Variants in SH3PXD2A observed in about 807,000 individuals in gnomAD.
SH3PXD2A encodes SH3 and PX domain-containing protein 2A.
SH3PXD2A carries 32 observed loss-of-function variants against 115.2 expected under a neutral mutation model. The ratio of observed to expected loss-of-function variants is 0.28; its 90% confidence interval spans 0.21 to 0.37. The LOEUF (loss-of-function observed/expected upper bound fraction) is 0.37. Ranked by LOEUF, SH3PXD2A falls within the 10% of genes least tolerant of loss-of-function variation. SH3PXD2A has a pLI of 1.00. For synonymous variants in SH3PXD2A, 610 were observed against 629.1 expected (o/e 0.97, Z 0.45); for missense variants, 1,328 against 1,498.7 (o/e 0.89, Z 1.88).
chr10:103,636,636 TAAG>T (rs906548946), intron 8 of SH3PXD2A, among the ~76,000 whole-genome samples: 2 of 151,992 alleles, frequency 1.3e-5, no homozygotes, highest in African/African-American at 4.8e-5. Context: ...ATGGCCTCCT[TAAG>T]GAGGGAGAAT....
At chr10:103,648,705 G>A (rs1359650144) in intron 8 of SH3PXD2A, among the ~76,000 whole-genome samples, 2 of 152,156 alleles carry the variant, frequency 1.3e-5, no homozygotes, top group Non-Finnish European at 1.5e-5. Context: ...TTCTGTTCCC[G>A]GCACTATCCT....
intron 2 of SH3PXD2A, 26 bp from the exon 3 acceptor site, chr10:103,767,195 C>A: frequency 6.3e-7 from 1 of 1,585,052 alleles, no homozygotes; most frequent in Non-Finnish European, 8.7e-7. Context: ...GACAGAGGGA[C>A]AGGATTCAGA....
chr10:103,804,623 G>C (rs1386916591), intron 1 of SH3PXD2A, among the ~76,000 whole-genome samples: 4 of 151,948 alleles, frequency 2.6e-5, no homozygotes, highest in African/African-American at 9.7e-5. Flanking sequence ...CATCTGACCG[G>C]TTGACACCAT....
chr10:103,744,109 G>A (rs2038473686), intron 3 of SH3PXD2A, among the ~76,000 whole-genome samples: 1 of 151,326 alleles, frequency 6.6e-6, no homozygotes, highest in Non-Finnish European at 1.5e-5. Context: ...GGTTAGCCCT[G>A]CCTAGGCTAG....
intron 5 of SH3PXD2A, among the ~76,000 whole-genome samples, chr10:103,696,490 A>AC (rs1254789875): frequency 2.7e-5 from 4 of 148,554 alleles, no homozygotes; most frequent in East Asian, 2.0e-4. Flanking sequence ...CAACTCAAGA[A>AC]CCCCCCCTCT....
At chr10:103,606,376 A>ATTT (rs34117845) in intron 13 of SH3PXD2A, among the ~76,000 whole-genome samples, 9,144 of 78,178 alleles carry the variant, frequency 0.12, 1,009 homozygotes, top group Non-Finnish European at 0.17. Context: ...CACCTGGTTA[A>ATTT]TTTTTTTTTT....
chr10:103,755,401 A>G (rs972556738), intron 3 of SH3PXD2A: 2 of 152,226 alleles, frequency 1.3e-5, no homozygotes, highest in African/African-American at 2.4e-5. Flanking sequence ...CCAGAGTCAC[A>G]CAACTATGAA....
At position 103,804,712 on chromosome 10, in the gene SH3PXD2A, G is replaced by T. The variant is rs533496439; in HGVS notation, c.73-3350C>A. Among the ~76,000 whole-genome samples, 6 of 152,182 alleles carry T rather than the reference G, an allele frequency of 3.9e-5. No individual in the cohort carries two copies. In the South Asian group the frequency reaches 1.2e-3, roughly 32 times the overall value. ...GGAGTGCACCTTAGAGGAACATGCA[G>T]GAACAAAGGCGCCTTCTAAGAGCCT... On this transcript the variant is annotated intron_variant, in intron 1 of 14. Transcript: ENST00000369774.
intron 5 of SH3PXD2A, among the ~76,000 whole-genome samples, chr10:103,713,934 A>G (rs1022849184): frequency 6.6e-6 from 1 of 152,136 alleles, no homozygotes; most frequent in Admixed American, 6.5e-5. Flanking sequence ...GGACTGAGCT[A>G]CTTCTGAAGT....
Position 103,776,748 on chromosome 10 carries a change from G to A in SH3PXD2A, c.154-9579C>T, listed in dbSNP as rs536602866. Among the ~76,000 whole-genome samples, 7 of 152,244 alleles carry A rather than the reference G, an allele frequency of 4.6e-5. No homozygotes were observed. The South Asian group carries it at 1.4e-3, about 32-fold the overall frequency. On this transcript the variant is annotated intron_variant, in intron 2 of 14. Transcript: ENST00000369774. ...TGATGCTCTCCCTGCGTGTGTGTCT[G>A]TCTAAATTTCCCCCTTTCACAGGGA...
intron 6 of SH3PXD2A, among the ~76,000 whole-genome samples, chr10:103,692,753 G>T (rs1353786440): frequency 6.6e-6 from 1 of 152,132 alleles, no homozygotes; most frequent in African/African-American, 2.4e-5. Context: ...CACTCCCCAT[G>T]CACCCACCCC....
At chr10:103,639,482 T>C (rs375243754) in intron 8 of SH3PXD2A, among the ~76,000 whole-genome samples, 28 of 152,010 alleles carry the variant, frequency 1.8e-4, no homozygotes, top group South Asian at 1.0e-3. Flanking sequence ...TGGTGGCGTG[T>C]GCCTGTAGTC....
At chr10:103,616,609 A>G (rs1384122019) in intron 11 of SH3PXD2A, among the ~76,000 whole-genome samples, 1 of 152,244 alleles carries the variant, frequency 6.6e-6, no homozygotes, top group African/African-American at 2.4e-5. Context: ...AAGAGAAGGA[A>G]GAAGCCTCCG....
At chr10:103,659,308 G>A (rs1186368528) in intron 8 of SH3PXD2A, among the ~76,000 whole-genome samples, 1 of 152,174 alleles carries the variant, frequency 6.6e-6, no homozygotes, top group Non-Finnish European at 1.5e-5. Flanking sequence ...AGGGTTAAAC[G>A]GCTATGGTGT....
intron 8 of SH3PXD2A, among the ~76,000 whole-genome samples, chr10:103,647,832 C>T (rs928330259): frequency 3.9e-5 from 6 of 152,136 alleles, no homozygotes; most frequent in Admixed American, 6.5e-5. Context: ...GCCAGTGCTC[C>T]GGAGCAGCGT....
chr10:103,800,673 C>T (rs1011526370), intron 2 of SH3PXD2A, among the ~76,000 whole-genome samples: 2 of 152,198 alleles, frequency 1.3e-5, no homozygotes, highest in African/African-American at 4.8e-5. Flanking sequence ...GCCTGACTAA[C>T]TTAGCTGGCA....
chr10:103,638,383 A>C (rs2036898620), intron 8 of SH3PXD2A, among the ~76,000 whole-genome samples: 1 of 152,252 alleles, frequency 6.6e-6, no homozygotes. Flanking sequence ...GAACAGGCCC[A>C]GAAGCCAGTG....
chr10:103,773,386 CAGA>C (rs748164992), intron 2 of SH3PXD2A, among the ~76,000 whole-genome samples: 1 of 151,892 alleles, frequency 6.6e-6, no homozygotes, highest in African/African-American at 2.4e-5. Context: ...GCGAGCATCA[CAGA>C]AGAAGAGAGG....
chr10:103,679,158 G>A lies in SH3PXD2A; in HGVS notation c.428-10506C>T, dbSNP rs369725491. 2.2e-4 allele frequency among the ~76,000 whole-genome samples: 33 copies of A among 152,290 alleles called. No homozygotes were observed. In the East Asian group the frequency reaches 3.1e-3, roughly 14 times the overall value. Reference sequence around the variant, plus strand: ...CCTTGCTCAGAGACCCCTACATGGCGTGGCCCCAGCCCCGTGCAGCACTTG... The same window carrying A: ...CCTTGCTCAGAGACCCCTACATGGCATGGCCCCAGCCCCGTGCAGCACTTG... On this transcript the variant is annotated intron_variant, in intron 6 of 14. Coordinates refer to ENST00000369774, the MANE Select transcript of SH3PXD2A (RefSeq NM_001394015.1).
Sources: allele counts gnomAD v4.1 joint callset (sites outside exome capture counted in the v4.1 genomes callset), GRCh38; gene constraint gnomAD v4.1.1; transcripts MANE v1.5; gene names NCBI Gene and HGNC (gene_info 2026-07-23, HGNC 2026-07-21).